The following STPG4 variants were observed in gnomAD, a reference collection of about 807,000 sequenced individuals.
STPG4 encodes sperm-tail PG-rich repeat containing 4, also known as protein STPG4.
In STPG4, 41 loss-of-function variants were observed where a neutral mutation model predicts 31.5. The ratio of observed to expected loss-of-function variants is 1.30; its 90% confidence interval spans 1.01 to 1.69. The LOEUF (loss-of-function observed/expected upper bound fraction) is 1.69, where lower values mean the gene tolerates loss of function less well. Among genes scored for constraint, STPG4 ranks in the 40% most tolerant of loss-of-function variants. The pLI is 0.00. For synonymous variants in STPG4, 141 were observed against 103.0 expected (o/e 1.37, Z -2.24); for missense variants, 375 against 293.4 (o/e 1.28, Z -2.03).
At chr2:47,091,173 G>GGAGGGAGC (rs1558668150) in intron 5 of STPG4, among the ~76,000 whole-genome samples, 1 of 150,900 alleles carries the variant, frequency 6.6e-6, no homozygotes, top group African/African-American at 2.4e-5. Flanking sequence ...AGGGAGGGAG[G>GGAGGGAGC]GGAAGGAAGG....
At position 47,129,855 on chromosome 2, in the gene STPG4, A is replaced by G. The variant is rs544013383; in HGVS notation, c.519+86T>C. The G allele has an allele frequency of 9.8e-5, 153 of 1,556,138 alleles. No individual in the cohort carries two copies. In the African/African-American group the frequency reaches 1.9e-3, roughly 19 times the overall value. ...GGGGGAACGATCACTGGAGGGTTCT[A>G]TGTGGCCACCTTGCTCCACTCCAGA... On this transcript the variant is annotated intron_variant, in intron 5 of 6. Coordinates refer to ENST00000445927, the MANE Select transcript of STPG4 (RefSeq NM_001163561.2).
At chr2:47,141,372 C>T (rs562192710) in intron 3 of STPG4, among the ~76,000 whole-genome samples, 1 of 151,252 alleles carries the variant, frequency 6.6e-6, no homozygotes, top group East Asian at 1.9e-4. Context: ...TCCAATGATA[C>T]TAATGATATC....
At chr2:47,127,008 T>A (rs1207326047) in intron 5 of STPG4, among the ~76,000 whole-genome samples, 1 of 152,142 alleles carries the variant, frequency 6.6e-6, no homozygotes, top group Non-Finnish European at 1.5e-5. Context: ...GGGTTAAATA[T>A]GCTTAGTGTT....
At chr2:47,093,183 G>A (rs893174518) in intron 5 of STPG4, among the ~76,000 whole-genome samples, 1 of 152,178 alleles carries the variant, frequency 6.6e-6, no homozygotes, top group Admixed American at 6.5e-5. Context: ...ACTCCACCAT[G>A]AATGGAGTCT....
intron 3 of STPG4, among the ~76,000 whole-genome samples, chr2:47,149,425 C>G (rs183166343): frequency 1.6e-4 from 25 of 152,256 alleles, no homozygotes; most frequent in African/African-American, 5.8e-4. Flanking sequence ...TTTGAGATAG[C>G]CAGAACAATT....
intron 5 of STPG4, among the ~76,000 whole-genome samples, chr2:47,094,286 G>T (rs542409559): frequency 1.1e-4 from 16 of 152,282 alleles, no homozygotes; most frequent in African/African-American, 3.6e-4. Context: ...AAAGACCACT[G>T]ACAAAAATTC....
At position 47,087,119 on chromosome 2, in the gene STPG4, G is replaced by A. The variant is rs540857915; in HGVS notation, c.636C>T (p.Gly212=). 1.9e-6 allele frequency: 3 copies of A among 1,551,760 alleles called. No individual in the cohort carries two copies. The highest frequency in any genetic ancestry group is 1.2e-5 in the South Asian group (1 of 84,056). The change falls in exon 7 of 7, where the codon GGC becomes GGT. Residue 212 remains glycine, a synonymous_variant. Transcript: ENST00000445927. ...GTCTTAAAGTTGTATATGCTCCTGGGCCTGGGGTTTTCTGAAAACAGAGCA... is the reference window on the plus strand; with the variant it reads ...GTCTTAAAGTTGTATATGCTCCTGGACCTGGGGTTTTCTGAAAACAGAGCA... ...RFLPSCSKTP[G]PGAYTTLRQF... is the part of the protein sequence containing the mutation.
intron 6 of STPG4, among the ~76,000 whole-genome samples, chr2:47,087,585 C>A: frequency 6.6e-6 from 1 of 152,186 alleles, no homozygotes; most frequent in South Asian, 2.1e-4. Flanking sequence ...GCCTCTCAAA[C>A]TCGGGTTGGG....
chr2:47,151,526 T>A lies in STPG4; in HGVS notation c.142-11A>T. On this transcript the variant is annotated splice_polypyrimidine_tract_variant and intron_variant, in intron 2 of 6. Transcript: ENST00000445927. Reference sequence around the variant, plus strand: ...AGGTATAGGAGTATCCTGTGGAAAATTGACATCAGTTTTAAGATTGTGTAA... The same window carrying A: ...AGGTATAGGAGTATCCTGTGGAAAAATGACATCAGTTTTAAGATTGTGTAA... 1.2e-6 allele frequency: 2 copies of A among 1,611,284 alleles called. No homozygotes were observed. Among genetic ancestry groups the A allele is most frequent in the Non-Finnish European group, 1.7e-6 (2 of 1,178,504 alleles).
intron 5 of STPG4, among the ~76,000 whole-genome samples, chr2:47,125,659 C>G (rs769632974): frequency 3.9e-5 from 6 of 152,176 alleles, no homozygotes; most frequent in Non-Finnish European, 5.9e-5. Context: ...TTTGCCCAGA[C>G]CAATGTCCTG....
At chr2:47,118,550 T>C (rs929789832) in intron 5 of STPG4, among the ~76,000 whole-genome samples, 1 of 152,166 alleles carries the variant, frequency 6.6e-6, no homozygotes, top group Non-Finnish European at 1.5e-5. Flanking sequence ...CCCTGGTCCA[T>C]GGAAAAACTG....
intron 5 of STPG4, among the ~76,000 whole-genome samples, chr2:47,126,365 G>A (rs1168729300): frequency 6.6e-6 from 1 of 151,044 alleles, no homozygotes; most frequent in African/African-American, 2.4e-5. Context: ...TTGTTCTGTT[G>A]CCCAGGCTGG....
At chr2:47,102,811 T>A (rs1273529531) in intron 5 of STPG4, among the ~76,000 whole-genome samples, 1 of 151,834 alleles carries the variant, frequency 6.6e-6, no homozygotes, top group Non-Finnish European at 1.5e-5. Flanking sequence ...TGTCCCCTTC[T>A]CCCTCTCTGA....
At chr2:47,090,778 C>T (rs1685555577) in intron 5 of STPG4, among the ~76,000 whole-genome samples, 1 of 152,206 alleles carries the variant, frequency 6.6e-6, no homozygotes, top group Non-Finnish European at 1.5e-5. Flanking sequence ...TATAAAAATG[C>T]TTATTCTTTC....
intron 3 of STPG4, among the ~76,000 whole-genome samples, chr2:47,130,824 T>C (rs879402289): frequency 2.0e-5 from 3 of 150,880 alleles, no homozygotes; most frequent in African/African-American, 4.9e-5. Flanking sequence ...CACATTTTTT[T>C]TTCTTTTTTT....
intron 5 of STPG4, among the ~76,000 whole-genome samples, chr2:47,111,924 G>A (rs944526402): frequency 2.0e-5 from 3 of 152,244 alleles, no homozygotes; most frequent in African/African-American, 7.2e-5. Context: ...CTACACTGGG[G>A]GACAAAATAT....
rs75723109 is a variant in STPG4 at position 47,095,279 on chromosome 2, C to T, written c.520-4905G>A. Reference sequence around the variant, plus strand: ...AGCTGCAGTCATTAGGGTGGGGCCTCGTCCAACATGGCTGGTGTCCTTTAT... The same window carrying T: ...AGCTGCAGTCATTAGGGTGGGGCCTTGTCCAACATGGCTGGTGTCCTTTAT... On this transcript the variant is annotated intron_variant, in intron 5 of 6. Transcript: ENST00000445927. Among the ~76,000 whole-genome samples the T allele has an allele frequency of 1.4e-3, 207 of 152,258 alleles. 3 individuals carry two copies. The East Asian group carries it at 0.034, about 25-fold the overall frequency.
chr2:47,129,189 T>A (rs1360813731), intron 5 of STPG4: 1 of 152,168 alleles, frequency 6.6e-6, no homozygotes, highest in Non-Finnish European at 1.5e-5. Flanking sequence ...TCCCCTCTCC[T>A]CCTCTCAAGC....
chr2:47,103,063 C>T (rs1005558477), intron 5 of STPG4, among the ~76,000 whole-genome samples: 14 of 151,818 alleles, frequency 9.2e-5, no homozygotes, highest in Admixed American at 6.6e-4. Flanking sequence ...TGACAGCCGA[C>T]GAAAGGGACA....
Sources: gnomAD v4.1 joint callset for allele counts (sites outside exome capture counted in the v4.1 genomes callset) on GRCh38, gnomAD v4.1.1 for gene constraint, MANE v1.5 for transcripts, NCBI Gene and HGNC (gene_info 2026-07-23, HGNC 2026-07-21) for gene names.